The following CAMTA1 variants were observed in gnomAD, a reference collection of about 807,000 sequenced individuals.
CAMTA1 encodes calmodulin binding transcription activator 1.
Under a neutral mutation model 170.9 loss-of-function variants are expected in CAMTA1, and 27 were observed. The observed-to-expected ratio is 0.16, with a 90% CI of 0.12 to 0.22. The LOEUF is 0.22. Ranked by LOEUF, CAMTA1 falls within the 10% of genes least tolerant of loss-of-function variation. The probability of loss-of-function intolerance (pLI) is 1.00; values close to 1 mark genes in which losing one functional copy is unlikely to be tolerated. For synonymous variants in CAMTA1, 833 were observed against 891.5 expected (o/e 0.93, Z 1.17); for missense variants, 1,619 against 2,217.2 (o/e 0.73, Z 5.42).
intron 5 of CAMTA1, among the ~76,000 whole-genome samples, chr1:7,366,446 A>G (rs2085973602): frequency 6.6e-6 from 1 of 152,220 alleles, no homozygotes. Context: ...GTGTGGCCCC[A>G]TGCTGATGCT....
intron 11 of CAMTA1, among the ~76,000 whole-genome samples, chr1:7,724,777 C>T (rs546713298): frequency 2.0e-5 from 3 of 147,396 alleles, no homozygotes; most frequent in Middle Eastern, 3.6e-3. Context: ...GAGCCGAGAT[C>T]GCACTACTGC....
chr1:6,839,542 C>T (rs564734850), intron 3 of CAMTA1, among the ~76,000 whole-genome samples: 413 of 152,228 alleles, frequency 2.7e-3, no homozygotes, highest in Non-Finnish European at 4.5e-3. Flanking sequence ...TGGAGCTTAT[C>T]GTTTAGAGGG....
intron 4 of CAMTA1, among the ~76,000 whole-genome samples, chr1:7,172,742 G>A (rs1649919853): frequency 6.6e-6 from 1 of 152,176 alleles, no homozygotes; most frequent in Non-Finnish European, 1.5e-5. Flanking sequence ...GGAGGACACT[G>A]GACTCAGCAG....
intron 3 of CAMTA1, among the ~76,000 whole-genome samples, chr1:7,061,960 CAGGCTGGAG>C (rs1490430862): frequency 3.3e-5 from 5 of 152,088 alleles, no homozygotes; most frequent in Admixed American, 6.5e-5. Context: ...TTCTTTCATC[CAGGCTGGAG>C]TGAAGTGGCA....
At chr1:7,553,046 A>C (rs952244212) in intron 6 of CAMTA1, among the ~76,000 whole-genome samples, 4 of 152,348 alleles carry the variant, frequency 2.6e-5, no homozygotes, top group Non-Finnish European at 5.9e-5. Flanking sequence ...AGAGAAGCTA[A>C]AGACTGTGCT....
chr1:7,567,498 G>A (rs2095057546), intron 6 of CAMTA1, among the ~76,000 whole-genome samples: 2 of 152,234 alleles, frequency 1.3e-5, no homozygotes, highest in African/African-American at 2.4e-5. Flanking sequence ...CACAGGTGGT[G>A]GCCGATGACA....
At chr1:6,802,240 G>A (rs1022098430) in intron 1 of CAMTA1, among the ~76,000 whole-genome samples, 4 of 152,214 alleles carry the variant, frequency 2.6e-5, no homozygotes, top group Admixed American at 2.6e-4. Flanking sequence ...GTTACATGTA[G>A]TGGCCTTAGT....
intron 9 of CAMTA1, among the ~76,000 whole-genome samples, chr1:7,670,635 A>G (rs2096051904): frequency 6.6e-6 from 1 of 152,134 alleles, no homozygotes; most frequent in African/African-American, 2.4e-5. Context: ...TGCGAGTTAC[A>G]CAAAAGGGAG....
Position 6,856,220 on chromosome 1 carries a change from A to C in CAMTA1, c.234+31010A>C, listed in dbSNP as rs754999050. ...AGGAGCTGGACGCCATACAATTAAC[A>C]CAATGTAGAGCAATCTGGAAGGCTG... On this transcript the variant is annotated intron_variant, in intron 3 of 22. Coordinates refer to ENST00000303635, the MANE Select transcript of CAMTA1 (RefSeq NM_015215.4). 1.5e-3 allele frequency among the ~76,000 whole-genome samples: 225 copies of C among 151,146 alleles called. 2 individuals are homozygous for C. Among genetic ancestry groups the C allele is most frequent in the Non-Finnish European group, 6.3e-4 (43 of 67,926 alleles).
At chr1:7,611,643 G>A (rs749260413) in intron 6 of CAMTA1, among the ~76,000 whole-genome samples, 2 of 152,252 alleles carry the variant, frequency 1.3e-5, no homozygotes, top group African/African-American at 4.8e-5. Context: ...GACAAGAGCT[G>A]TGTGCAGCAG....
At chr1:6,893,270 A>G (rs1674948408) in intron 3 of CAMTA1, among the ~76,000 whole-genome samples, 1 of 152,140 alleles carries the variant, frequency 6.6e-6, no homozygotes, top group Admixed American at 6.5e-5. Context: ...CGAGGAAAAA[A>G]AGAAAAGAAG....
intron 5 of CAMTA1, among the ~76,000 whole-genome samples, chr1:7,267,762 G>C (rs1233613877): frequency 6.6e-6 from 1 of 152,180 alleles, no homozygotes; most frequent in African/African-American, 2.4e-5. Flanking sequence ...TGGTTGTCAT[G>C]AGGGCTGCTA....
Position 7,115,550 on chromosome 1 carries a change from A to C in CAMTA1, c.302+24179A>C, listed in dbSNP as rs71637369. Reference sequence around the variant, plus strand: ...CAGTGTGAGTCCGAAAAATCTAAGAACCAGGAGAGCTGATGATGTTGTTCC... The same window carrying C: ...CAGTGTGAGTCCGAAAAATCTAAGACCCAGGAGAGCTGATGATGTTGTTCC... On this transcript the variant is annotated intron_variant, in intron 4 of 22. Transcript: ENST00000303635. 2.8e-5 allele frequency among the ~76,000 whole-genome samples: 2 copies of C among 71,716 alleles called. 1 individual carries two copies. Among genetic ancestry groups the C allele is most frequent in the African/African-American group, 1.3e-4 (2 of 14,960 alleles). The allele number at this position is 71,716 out of a possible 152,430, so 47.0% of individuals were successfully genotyped here.
Position 7,349,582 on chromosome 1 carries a change from G to A in CAMTA1, c.438+99956G>A, listed in dbSNP as rs149292917. Among the ~76,000 whole-genome samples, 7 of 152,300 alleles carry A rather than the reference G, an allele frequency of 4.6e-5. No homozygotes were observed. The East Asian group carries it at 1.2e-3, about 25-fold the overall frequency. On this transcript the variant is annotated intron_variant, in intron 5 of 22. Coordinates refer to ENST00000303635, the MANE Select transcript of CAMTA1 (RefSeq NM_015215.4). ...TCCTGGAGAAGCGAAGTCTGAGATC[G>A]AGGTGCGGGCAGGGCAGGTTCCTCC...
chr1:7,432,592 G>C (rs1403440108), intron 5 of CAMTA1, among the ~76,000 whole-genome samples: 1 of 152,176 alleles, frequency 6.6e-6, no homozygotes, highest in South Asian at 2.1e-4. Context: ...GGATGCTGAG[G>C]GGCCAGGGCC....
chr1:7,055,752 G>C (rs1048485676), intron 3 of CAMTA1, among the ~76,000 whole-genome samples: 1 of 152,178 alleles, frequency 6.6e-6, no homozygotes, highest in South Asian at 2.1e-4. Flanking sequence ...GCCCCAGTCC[G>C]TTTGCTCACT....
intron 3 of CAMTA1, among the ~76,000 whole-genome samples, chr1:6,989,978 G>A (rs1223592450): frequency 2.0e-5 from 3 of 152,160 alleles, no homozygotes; most frequent in African/African-American, 7.2e-5. Flanking sequence ...GGCAACAAGT[G>A]GGTCTTTCAG....
intron 6 of CAMTA1, among the ~76,000 whole-genome samples, chr1:7,551,842 GCTT>G (rs2094807263): frequency 6.6e-6 from 1 of 152,142 alleles, no homozygotes; most frequent in Non-Finnish European, 1.5e-5. Context: ...CACCTCTTAG[GCTT>G]CTCTCCATTC....
At chr1:6,869,839 G>A (rs1303797539) in intron 3 of CAMTA1, among the ~76,000 whole-genome samples, 2 of 152,088 alleles carry the variant, frequency 1.3e-5, no homozygotes, top group Non-Finnish European at 2.9e-5. Flanking sequence ...TGGACGTCAC[G>A]TTCAGGTAGT....
Sources: allele counts gnomAD v4.1 joint callset (sites outside exome capture counted in the v4.1 genomes callset), GRCh38; gene constraint gnomAD v4.1.1; transcripts MANE v1.5; gene names NCBI Gene and HGNC (gene_info 2026-07-23, HGNC 2026-07-21).